Variants in ATP10B observed in about 807,000 individuals in gnomAD.
The protein encoded by ATP10B is ATPase phospholipid transporting 10B (putative).
ATP10B carries 122 observed loss-of-function variants against 141.2 expected under a neutral mutation model. The observed-to-expected ratio is 0.86, with a 90% CI of 0.75 to 1.00. The LOEUF (loss-of-function observed/expected upper bound fraction) is 1.00, where lower values mean the gene tolerates loss of function less well. ATP10B is among the 50% of genes least tolerant of loss of function. The probability of loss-of-function intolerance (pLI) is 0.00; values close to 1 mark genes in which losing one functional copy is unlikely to be tolerated. For missense variants in ATP10B, 1,876 were observed against 1,825.3 expected (o/e 1.03, Z -0.51); for synonymous variants, 685 against 692.0 (o/e 0.99, Z 0.16).
At chr5:160,880,348 A>G in the ATP10B span, among the ~76,000 whole-genome samples, 1 of 151,650 alleles carries the variant, frequency 6.6e-6, no homozygotes, top group Non-Finnish European at 1.5e-5. Context: ...GGAAAACTCA[A>G]TGTGTCAAGA....
At chr5:160,885,788 A>G in the ATP10B span, among the ~76,000 whole-genome samples, 4 of 152,342 alleles carry the variant, frequency 2.6e-5, no homozygotes, top group South Asian at 8.3e-4. Flanking sequence ...AAATATCTGT[A>G]GCAGAGCAAA....
chr5:160,807,336 A>G (rs4921343), intron 1 of ATP10B, among the ~76,000 whole-genome samples: 152,318 of 152,320 alleles, frequency 1, 76,158 homozygotes, highest in Middle Eastern at 1. Context: ...GCTTTTAAGT[A>G]TTGTGCCATA....
Position 160,644,147 on chromosome 5 carries a change from T to C in ATP10B, c.859A>G (p.Ile287Val). ...RNTEMAVGIV[I>V]YAGHETKAML... Reference sequence around the variant, plus strand: ...CTACCCAGACAATGACCTGCATAGATGACAATGCCAACAGCCATCTCGGTG... The same window carrying C: ...CTACCCAGACAATGACCTGCATAGACGACAATGCCAACAGCCATCTCGGTG... Residue 287 changes from isoleucine (I) to valine (V), a missense_variant, in exon 9 of 26, where the codon ATC becomes GTC. By Grantham distance (29) the Ile-to-Val change is conservative. Transcript: ENST00000327245. The C allele has an allele frequency of 2.5e-6, 4 of 1,613,472 alleles. No individual in the cohort carries two copies. The highest frequency in any genetic ancestry group is 1.1e-5 in the South Asian group (1 of 91,052).
intron 24 of ATP10B, among the ~76,000 whole-genome samples, chr5:160,579,537 G>T (rs1755413776): frequency 6.6e-6 from 1 of 152,068 alleles, no homozygotes; most frequent in Non-Finnish European, 1.5e-5. Flanking sequence ...TATCTGTTTT[G>T]GTACCAGTAC....
At position 160,620,682 on chromosome 5, in the gene ATP10B, C is replaced by G; in HGVS notation, c.2081G>C (p.Gly694Ala). The G allele has an allele frequency of 6.2e-7, 1 of 1,613,910 alleles. No individual in the cohort carries two copies. Among genetic ancestry groups the G allele is most frequent in the South Asian group, 1.1e-5 (1 of 91,074 alleles). Residue 694 changes from glycine (G) to alanine (A), a missense_variant, in exon 15 of 26, where the codon GGG becomes GCG. Physicochemically the swap from Gly to Ala is moderately conservative, Grantham distance 60. Transcript: ENST00000327245. ...TGCCTCCTCCAAGGAAGTGCCTGAC[C>G]CAGACTCCAGGATGTCGCCCTGGTC... is the stretch of plus-strand genomic sequence containing the variant. ...MWDQGDILES[G>A]SGTSLEEALE... is the part of the protein sequence containing the mutation.
chr5:160,734,714 T>C (rs1313997230), intron 2 of ATP10B, among the ~76,000 whole-genome samples: 1 of 151,812 alleles, frequency 6.6e-6, no homozygotes, highest in Non-Finnish European at 1.5e-5. Context: ...AAAGAACACA[T>C]TGAAACAGAA....
At chr5:160,808,715 T>C (rs1772948909) in intron 1 of ATP10B, among the ~76,000 whole-genome samples, 2 of 152,224 alleles carry the variant, frequency 1.3e-5, no homozygotes, top group African/African-American at 2.4e-5. Flanking sequence ...CCATTTTATC[T>C]AGGCAGATCC....
intron 3 of ATP10B, among the ~76,000 whole-genome samples, chr5:160,692,182 CATGTAAG>C (rs548726811): frequency 1.4e-3 from 214 of 152,044 alleles, no homozygotes; most frequent in Middle Eastern, 3.4e-3. Context: ...TTTTTTTAAC[CATGTAAG>C]ATGAGCTTCC....
chr5:160,651,622 C>T (rs566708955), intron 7 of ATP10B, among the ~76,000 whole-genome samples: 5 of 152,078 alleles, frequency 3.3e-5, no homozygotes, highest in Admixed American at 1.3e-4. Context: ...TAGCAAAGGG[C>T]GTGAGTTTAT....
chr5:160,717,139 A>G (rs1274562502), intron 2 of ATP10B, 105 bp from the exon 3 acceptor site: 13 of 817,188 alleles, frequency 1.6e-5, no homozygotes, highest in Non-Finnish European at 3.0e-6. Flanking sequence ...ATGTGAAACT[A>G]TATTGTTTTG....
At chr5:160,691,615 C>T (rs1292395793) in intron 3 of ATP10B, 1 of 152,204 alleles carries the variant, frequency 6.6e-6, no homozygotes, top group Non-Finnish European at 1.5e-5. Context: ...CAATTAATTA[C>T]CCAGCTTGTC....
intron 13 of ATP10B, among the ~76,000 whole-genome samples, chr5:160,631,368 C>T (rs1758929603): frequency 6.6e-6 from 1 of 152,186 alleles, no homozygotes; most frequent in Non-Finnish European, 1.5e-5. Flanking sequence ...ACTTGGTTTT[C>T]TTTGCTTGCT....
the ATP10B span, among the ~76,000 whole-genome samples, chr5:160,899,945 GAGGCAA>G: frequency 6.6e-6 from 1 of 152,160 alleles, no homozygotes; most frequent in Non-Finnish European, 1.5e-5. Context: ...TGGTGGAGCA[GAGGCAA>G]GGAATCCCCC....
intron 6 of ATP10B, among the ~76,000 whole-genome samples, chr5:160,684,197 A>C (rs574568230): frequency 6.6e-6 from 1 of 152,334 alleles, no homozygotes; most frequent in East Asian, 1.9e-4. Context: ...TTAGTGATGA[A>C]GGAAACGTTG....
upstream of ATP10B, among the ~76,000 whole-genome samples, chr5:160,856,392 T>C (rs1358348572): frequency 6.6e-6 from 1 of 151,880 alleles, no homozygotes; most frequent in Non-Finnish European, 1.5e-5. Context: ...TCATTAGTTC[T>C]AGGAGTATAT....
chr5:160,593,459 A>C (rs1042888400), intron 22 of ATP10B, among the ~76,000 whole-genome samples: 6 of 152,340 alleles, frequency 3.9e-5, no homozygotes, highest in Non-Finnish European at 8.8e-5. Context: ...AAAACCACAA[A>C]GATGGGGAAA....
At chr5:160,676,336 G>C (rs115608217) in intron 6 of ATP10B, among the ~76,000 whole-genome samples, 1 of 152,088 alleles carries the variant, frequency 6.6e-6, no homozygotes. Flanking sequence ...CTTCAGCCTG[G>C]GGGTATTCAA....
chr5:160,907,721 G>A, the ATP10B span, among the ~76,000 whole-genome samples: 1 of 152,172 alleles, frequency 6.6e-6, no homozygotes, highest in Non-Finnish European at 1.5e-5. Context: ...CAAAGTTGAG[G>A]AAACTGAGAC....
At chr5:160,906,258 C>T in the ATP10B span, among the ~76,000 whole-genome samples, 1 of 151,994 alleles carries the variant, frequency 6.6e-6, no homozygotes, top group Non-Finnish European at 1.5e-5. Flanking sequence ...TGTGTTTGGA[C>T]CTTTGAGACA....
Sources: gnomAD v4.1 joint callset for allele counts (sites outside exome capture counted in the v4.1 genomes callset) on GRCh38, gnomAD v4.1.1 for gene constraint, MANE v1.5 for transcripts, NCBI Gene and HGNC (gene_info 2026-07-23, HGNC 2026-07-21) for gene names.